ACSM2B: variants seen among roughly 807,000 people sequenced by gnomAD.
ACSM2B encodes the protein acyl-coenzyme A synthetase ACSM2B, mitochondrial.
In ACSM2B, 58 loss-of-function variants were observed where a neutral mutation model predicts 78.6. The observed-to-expected ratio is 0.74, with a 90% CI of 0.60 to 0.92. The LOEUF is 0.92. Ranked by LOEUF, ACSM2B falls within the 40% of genes least tolerant of loss-of-function variation. The probability of loss-of-function intolerance (pLI) is 0.00; values close to 1 mark genes in which losing one functional copy is unlikely to be tolerated. For missense variants in ACSM2B, 688 were observed against 711.2 expected, an observed-to-expected ratio of 0.97 and a Z score of 0.37; for synonymous variants, 257 against 256.8, an observed-to-expected ratio of 1.00 and a Z score of -0.01.
At chr16:20,567,791 T>G (rs2015971072) in intron 1 of ACSM2B, among the ~76,000 whole-genome samples, 1 of 140,608 alleles carries the variant, frequency 7.1e-6, no homozygotes, top group Non-Finnish European at 1.5e-5. Flanking sequence ...ATATAATATA[T>G]ATGATATATA....
chr16:20,554,820 G>A (rs1450871647), intron 4 of ACSM2B, among the ~76,000 whole-genome samples: 1 of 152,228 alleles, frequency 6.6e-6, no homozygotes, highest in African/African-American at 2.4e-5. Flanking sequence ...AACCCACTTG[G>A]TGTTAACACC....
At chr16:20,566,303 A>G (rs1291838822) in intron 1 of ACSM2B, among the ~76,000 whole-genome samples, 1 of 136,480 alleles carries the variant, frequency 7.3e-6, no homozygotes, top group Non-Finnish European at 1.6e-5. Flanking sequence ...ATATAGATAT[A>G]TAAATATATA....
intron 6 of ACSM2B, chr16:20,550,009 T>A (rs968566746): frequency 4.7e-5 from 13 of 278,660 alleles, no homozygotes; most frequent in Non-Finnish European, 9.2e-5. Flanking sequence ...TTTTTTTTTA[T>A]CAGACTTAAA....
chr16:20,567,444 A>G (rs1158541884), intron 1 of ACSM2B, among the ~76,000 whole-genome samples: 2 of 119,700 alleles, frequency 1.7e-5, no homozygotes, highest in South Asian at 4.4e-4. Context: ...TATAATATAT[A>G]GTATATTATT....
rs986923166 is a variant in ACSM2B, at chr16:20,545,096, C to T, written c.1281+61G>A. 5 of 1,554,832 alleles carry T rather than the reference C, an allele frequency of 3.2e-6. No individual in the cohort carries two copies. The African/African-American group carries it at 6.8e-5, about 21-fold the overall frequency. On this transcript the variant is annotated intron_variant, in intron 10 of 13. Transcript: ENST00000329697. Reference sequence around the variant, plus strand: ...AAGTTTCAGAACATTTGTCCTCCCTCATCCCGTTTAGTGCTCCCATCCTCA... The same window carrying T: ...AAGTTTCAGAACATTTGTCCTCCCTTATCCCGTTTAGTGCTCCCATCCTCA...
intron 10 of ACSM2B, 110 bp downstream of exon 10, chr16:20,545,047 G>T (rs552119413): frequency 3.6e-6 from 5 of 1,386,240 alleles, no homozygotes; most frequent in South Asian, 1.7e-5. Context: ...GACACTCTTT[G>T]TCTCCATATC....
At chr16:20,567,883 A>C (rs551542032) in intron 1 of ACSM2B, among the ~76,000 whole-genome samples, 1 of 143,044 alleles carries the variant, frequency 7.0e-6, no homozygotes, top group East Asian at 2.0e-4. Context: ...ATACTATACT[A>C]TTATATAGTG....
rs753751839 is a variant in ACSM2B at position 20,552,133 on chromosome 16, T to A, written c.894+11A>T. On this transcript the variant is annotated intron_variant, in intron 6 of 13. Coordinates refer to ENST00000329697, the MANE Select transcript of ACSM2B (RefSeq NM_001105069.2). The stretch of plus-strand genomic sequence containing the variant: ...CTCTGAATAACTGCTGCAAACTGGA[T>A]CCTCTCTTACCTTTAGAATAACCAG... 1 of 1,586,662 alleles carries A rather than the reference T, an allele frequency of 6.3e-7. No homozygotes were observed. Among genetic ancestry groups the A allele is most frequent in the East Asian group, 2.2e-5 (1 of 44,742 alleles).
At chr16:20,554,137 C>T (rs763346984) in intron 4 of ACSM2B, 1 of 722,574 alleles carries the variant, frequency 1.4e-6, no homozygotes, top group South Asian at 1.5e-5. Context: ...TCAATGCAAC[C>T]TTAAACTACT....
intron 2 of ACSM2B, among the ~76,000 whole-genome samples, chr16:20,561,514 C>T (rs936918786): frequency 1.6e-4 from 25 of 151,812 alleles, no homozygotes; most frequent in Non-Finnish European, 2.6e-4. Flanking sequence ...CTAAGTCATT[C>T]GTGTGGGACC....
Position 20,545,145 on chromosome 16 carries a change from A to G in ACSM2B, c.1281+12T>C. 6.2e-7 allele frequency: 1 copy of G among 1,608,340 alleles called. No individual in the cohort carries two copies. Among genetic ancestry groups the G allele is most frequent in the Non-Finnish European group, 8.5e-7 (1 of 1,175,988 alleles). ...CACTGGGGAACAGAGGAGGAGAAGCACAGTTTCTCACCACATAGCCAGAGA... is the reference window on the plus strand; with the variant it reads ...CACTGGGGAACAGAGGAGGAGAAGCGCAGTTTCTCACCACATAGCCAGAGA... On this transcript the variant is annotated intron_variant, in intron 10 of 13. Transcript: ENST00000329697.
At chr16:20,561,601 G>GA in intron 2 of ACSM2B, among the ~76,000 whole-genome samples, 1 of 152,122 alleles carries the variant, frequency 6.6e-6, no homozygotes, top group African/African-American at 2.4e-5. Context: ...GAGATTTGGA[G>GA]AAAACAAATA....
At chr16:20,549,563 T>G (rs1162800318) in intron 6 of ACSM2B, 1 of 249,348 alleles carries the variant, frequency 4.0e-6, no homozygotes, top group East Asian at 1.4e-4. Context: ...TGCTTACTAC[T>G]GTTACACTGG....
Position 20,555,557 on chromosome 16 carries a change from G to A in ACSM2B, c.389-81C>T, listed in dbSNP as rs546275588. On this transcript the variant is annotated intron_variant, in intron 3 of 13. Transcript: ENST00000329697. ...GAAGCCTGAGATAAACATCAAGCAG[G>A]GAGCAAGTGGGGAAGGAGAGGATGG... 3.8e-6 allele frequency: 6 copies of A among 1,586,124 alleles called. No homozygotes were observed. In the African/African-American group the frequency reaches 8.1e-5, roughly 21 times the overall value.
At chr16:20,556,960 A>C (rs746662234) in intron 3 of ACSM2B, among the ~76,000 whole-genome samples, 23 of 151,928 alleles carry the variant, frequency 1.5e-4, no homozygotes, top group Non-Finnish European at 1.8e-4. Flanking sequence ...TCCTGGCTGC[A>C]TTCATGTCTT....
At chr16:20,558,760 G>A (rs576507194) in intron 3 of ACSM2B, among the ~76,000 whole-genome samples, 18 of 152,288 alleles carry the variant, frequency 1.2e-4, no homozygotes, top group Admixed American at 9.2e-4. Context: ...ACACTCTCTC[G>A]TTCCAACTAC....
intron 1 of ACSM2B, among the ~76,000 whole-genome samples, chr16:20,568,134 G>A (rs945016009): frequency 2.1e-5 from 3 of 141,280 alleles, no homozygotes; most frequent in East Asian, 4.1e-4. Flanking sequence ...TATGTTATAC[G>A]TTCATGAGCT....
intron 3 of ACSM2B, among the ~76,000 whole-genome samples, chr16:20,556,474 C>G (rs561343240): frequency 6.6e-6 from 1 of 152,074 alleles, no homozygotes; most frequent in Non-Finnish European, 1.5e-5. Flanking sequence ...TGGTGGCACA[C>G]GCCTGTAATC....
chr16:20,559,358 G>C lies in ACSM2B; in HGVS notation c.267C>G (p.Asn89Lys). 2 of 1,610,350 alleles carry C rather than the reference G, an allele frequency of 1.2e-6. No individual in the cohort carries two copies. Among genetic ancestry groups the C allele is most frequent in the Non-Finnish European group, 1.7e-6 (2 of 1,178,088 alleles). Residue 89 changes from asparagine to lysine, a missense_variant, in exon 3 of 14, where the codon AAC (asparagine) becomes AAG (lysine). By Grantham distance (94) the Asn-to-Lys change is moderately conservative (BLOSUM62 0). Transcript: ENST00000329697. ...LMWNFRELSENSQQAANILSG... is the reference protein window; with the variant it reads ...LMWNFRELSEKSQQAANILSG... ...AGAGGATGTTGGCTGCCTGCTGGCT[G>C]TTTTCACTCAGTTCTCTGAAATTCC...
Sources: gnomAD v4.1 joint callset for allele counts (sites outside exome capture counted in the v4.1 genomes callset) on GRCh38, gnomAD v4.1.1 for gene constraint, MANE v1.5 for transcripts, NCBI Gene and HGNC (gene_info 2026-07-23, HGNC 2026-07-21) for gene names.